MN1: variants seen among roughly 807,000 people sequenced by gnomAD.
MN1 encodes transcriptional activator MN1.
MN1 carries 19 observed loss-of-function variants against 86.9 expected under a neutral mutation model. The ratio of observed to expected loss-of-function variants is 0.22; its 90% CI spans 0.15 to 0.32. The LOEUF (loss-of-function observed/expected upper bound fraction) is 0.32, where lower values mean the gene tolerates loss of function less well. Among genes scored for constraint, MN1 ranks in the 10% least tolerant of loss-of-function variants. The pLI is 1.00. For synonymous variants in MN1, 928 were observed against 849.6 expected, an observed-to-expected ratio of 1.09 and a Z score of -1.60; for missense variants, 1,841 against 1,862.0, an observed-to-expected ratio of 0.99 and a Z score of 0.21.
intron 1 of MN1, among the ~76,000 whole-genome samples, chr22:27,769,613 C>T (rs556921564): frequency 1.5e-4 from 18 of 119,040 alleles, no homozygotes; most frequent in Middle Eastern, 7.1e-3. Context: ...AGTGCAGTGG[C>T]GCAATCTCGG....
chr22:27,773,682 A>G (rs1932940822), intron 1 of MN1, among the ~76,000 whole-genome samples: 1 of 152,226 alleles, frequency 6.6e-6, no homozygotes, highest in Non-Finnish European at 1.5e-5. Flanking sequence ...TGAATGATAG[A>G]GTCTCGCTCT....
Position 27,799,800 on chromosome 22 carries a change from C to T in MN1, c.744G>A (p.Ser248=), listed in dbSNP as rs370371622. The T allele has an allele frequency of 1.9e-6, 3 of 1,595,814 alleles. No individual in the cohort carries two copies. In the African/African-American group the frequency reaches 4.0e-5, roughly 21 times the overall value. The change falls in exon 1 of 2, where the codon TCG becomes TCA. Residue 248 remains serine (S), a synonymous_variant. Coordinates refer to ENST00000302326, the MANE Select transcript of MN1 (RefSeq NM_002430.3). ...GCAGCTGCCCTTCGGAGTCAGAGGGCGAAAACATGTCAAAATGTCCCGAGG... is the reference window on the plus strand; with the variant it reads ...GCAGCTGCCCTTCGGAGTCAGAGGGTGAAAACATGTCAAAATGTCCCGAGG... ...EAPSGHFDMF[S]PSDSEGQLPH...
chr22:27,795,917 G>A (rs1933286906), intron 1 of MN1, among the ~76,000 whole-genome samples: 1 of 152,144 alleles, frequency 6.6e-6, no homozygotes, highest in African/African-American at 2.4e-5. Flanking sequence ...GGGGTGCTTA[G>A]AATGCAAACG....
intron 1 of MN1, among the ~76,000 whole-genome samples, chr22:27,761,669 G>C (rs973130858): frequency 6.6e-6 from 1 of 152,174 alleles, no homozygotes; most frequent in Non-Finnish European, 1.5e-5. Flanking sequence ...ACAGAGCCAG[G>C]TGCAAAGACA....
Position 27,800,834 on chromosome 22 carries a change from C to G in MN1, c.-291G>C. On this transcript the variant is annotated 5_prime_UTR_variant, in exon 1 of 2. Coordinates refer to ENST00000302326, the MANE Select transcript of MN1 (RefSeq NM_002430.3). Reference sequence around the variant, plus strand: ...ATGCCCCGGGCGGTTGTCACAGCCGCGGGTGGGTCTGCGGGGAGGGGACGA... The same window carrying G: ...ATGCCCCGGGCGGTTGTCACAGCCGGGGGTGGGTCTGCGGGGAGGGGACGA... 16 of 270,782 alleles carry G rather than the reference C, an allele frequency of 5.9e-5. No homozygotes were observed. The highest frequency in any genetic ancestry group is 1.1e-3 in the Middle Eastern group (1 of 900). The allele number at this position is 270,782 out of a possible 1,614,324, so 16.8% of individuals were successfully genotyped here.
chr22:27,799,486 G>T lies in MN1; in HGVS notation c.1058C>A (p.Pro353Gln). The change falls in exon 1 of 2, where the codon CCG becomes CAG. Residue 353 changes from proline (P) to glutamine (Q), a missense_variant. Physicochemically the swap from Pro to Gln is moderately conservative, Grantham distance 76. Transcript: ENST00000302326. Reference sequence around the variant, plus strand: ...CGGCTGCTGCTGTGGCGGCTGCTGCGGGGGCTGCTGCTGAGGGGGTGGCGG... The same window carrying T: ...CGGCTGCTGCTGTGGCGGCTGCTGCTGGGGCTGCTGCTGAGGGGGTGGCGG... ...QAPPPPQQQP[P>Q]QQPPQQQPPP... 1 of 1,452,940 alleles carries T rather than the reference G, an allele frequency of 6.9e-7. No homozygotes were observed. Among genetic ancestry groups the T allele is most frequent in the Non-Finnish European group, 9.1e-7 (1 of 1,104,050 alleles). The allele number at this position is 1,452,940 out of a possible 1,614,324, so 90.0% of individuals were successfully genotyped here. A position where few individuals can be genotyped will look rare whatever the true frequency, so the allele number is the denominator to read the frequency against.
Position 27,790,369 on chromosome 22 carries a change from A to G in MN1, c.3781+6394T>C, listed in dbSNP as rs58075537. ...AGGTGAGGCTGCATGCTGTCCTGTC[A>G]TCGGAAGATGGCAGGAAATGACCAG... On this transcript the variant is annotated intron_variant, in intron 1 of 1. Coordinates refer to ENST00000302326, the MANE Select transcript of MN1 (RefSeq NM_002430.3). 6.3e-3 allele frequency among the ~76,000 whole-genome samples: 958 copies of G among 152,306 alleles called. 6 individuals are homozygous for G. Among genetic ancestry groups the G allele is most frequent in the African/African-American group, 0.022 (898 of 41,564 alleles).
intron 1 of MN1, among the ~76,000 whole-genome samples, chr22:27,754,990 C>T (rs1323982435): frequency 6.6e-6 from 1 of 152,170 alleles, no homozygotes; most frequent in East Asian, 1.9e-4. Context: ...CACACCAGGC[C>T]CTCAGTTGGG....
chr22:27,777,877 C>CAA (rs754050669), intron 1 of MN1, among the ~76,000 whole-genome samples: 5 of 139,532 alleles, frequency 3.6e-5, no homozygotes, highest in East Asian at 2.1e-4. Context: ...ACTGCATCTC[C>CAA]AAAAAAAAAA....
chr22:27,756,873 A>G (rs1932805246), intron 1 of MN1, among the ~76,000 whole-genome samples: 1 of 151,868 alleles, frequency 6.6e-6, no homozygotes, highest in Non-Finnish European at 1.5e-5. Context: ...CTCCCACCTC[A>G]TCCTCCCAAG....
In MN1 at chr22:27,798,288, G is replaced by A. The variant is rs749154826; in HGVS notation, c.2256C>T (p.Gly752=). Residue 752 remains glycine, a synonymous_variant, in exon 1 of 2, where the codon GGC becomes GGT. Transcript: ENST00000302326. ...GQPGFPFGAA[G]RQSTPHSGPG... is the part of the protein sequence containing the mutation. ...GACCGCTGTGCGGCGTGGACTGCCG[G>A]CCGGCTGCACCAAACGGAAAGCCCG... 34 of 1,525,648 alleles carry A rather than the reference G, an allele frequency of 2.2e-5. No homozygotes were observed. Among genetic ancestry groups the A allele is most frequent in the Middle Eastern group, 4.5e-4 (2 of 4,476 alleles). 94.5% of individuals were successfully genotyped at this position (1,525,648 alleles called of 1,614,324 possible). A position where few individuals can be genotyped will look rare whatever the true frequency, so the allele number is the denominator to read the frequency against.
chr22:27,800,433 C>T lies in MN1; in HGVS notation c.111G>A (p.Pro37=). Residue 37 remains proline, a synonymous_variant, in exon 1 of 2, where the codon CCG becomes CCA. Transcript: ENST00000302326. ...CAGGGGGCCCCCCAGTGTGGAAAGC[C>T]GGGGCCTTAAAGTGGGTGTTCATGC... ...GLSMNTHFKA[P]AFHTGGPPGP... The T allele has an allele frequency of 6.2e-7, 1 of 1,614,182 alleles. No homozygotes were observed. Among genetic ancestry groups the T allele is most frequent in the Non-Finnish European group, 8.5e-7 (1 of 1,180,024 alleles).
Position 27,798,663 on chromosome 22 carries a change from T to C in MN1, c.1881A>G (p.Gln627=), listed in dbSNP as rs1053248121. The C allele has an allele frequency of 1.3e-6, 2 of 1,551,622 alleles. No homozygotes were observed. Among genetic ancestry groups the C allele is most frequent in the African/African-American group, 2.7e-5 (2 of 73,492 alleles). ...TFEQQAPHLA[Q]ESAWFSGPHP... ...GCGGACCTGAGAACCACGCGCTCTC[T>C]TGCGCCAAGTGCGGCGCCTGCTGCT... Residue 627 remains glutamine, a synonymous_variant, in exon 1 of 2, where the codon CAA becomes CAG. Transcript: ENST00000302326.
intron 1 of MN1, among the ~76,000 whole-genome samples, chr22:27,777,850 T>C (rs1176387366): frequency 1.3e-5 from 2 of 150,804 alleles, no homozygotes; most frequent in Middle Eastern, 3.4e-3. Context: ...CACTCCAGCC[T>C]GGGCCACACA....
intron 1 of MN1, among the ~76,000 whole-genome samples, chr22:27,772,418 T>A (rs947378804): frequency 2.0e-5 from 3 of 151,960 alleles, no homozygotes; most frequent in African/African-American, 7.3e-5. Flanking sequence ...GCAGTTAGAG[T>A]GTGGGGAGGA....
At chr22:27,782,377 C>A (rs6005618) in intron 1 of MN1, among the ~76,000 whole-genome samples, 1 of 152,206 alleles carries the variant, frequency 6.6e-6, no homozygotes, top group Admixed American at 6.5e-5. Flanking sequence ...GTGCCAGGCC[C>A]GGGGCTAAGT....
intron 1 of MN1, among the ~76,000 whole-genome samples, chr22:27,791,128 G>A (rs372281296): frequency 7.9e-5 from 12 of 152,048 alleles, no homozygotes; most frequent in South Asian, 2.1e-4. Context: ...GGGGGAGAGA[G>A]GGGGGCTTCT....
At position 27,797,564 on chromosome 22, in the gene MN1, T is replaced by C; in HGVS notation, c.2980A>G (p.Thr994Ala). The C allele has an allele frequency of 6.2e-7, 1 of 1,606,970 alleles. No homozygotes were observed. The highest frequency in any genetic ancestry group is 8.5e-7 in the Non-Finnish European group (1 of 1,177,358). ...TCGTGGGGCGTCGGTGCCCCGCGCG[T>C]CTCGCCTGCGGAGCTTCCCCCGACG... The part of the protein sequence containing the change: ...AAVGGSSAGE[T>A]RGAPTPHEKA... Residue 994 changes from threonine to alanine, a missense_variant, in exon 1 of 2, where the codon ACG (threonine) becomes GCG (alanine). Coordinates refer to ENST00000302326, the MANE Select transcript of MN1 (RefSeq NM_002430.3).
Position 27,786,304 on chromosome 22 carries a change from C to T in MN1, c.3781+10459G>A, listed in dbSNP as rs148988997. 7.4e-3 allele frequency among the ~76,000 whole-genome samples: 1,124 copies of T among 152,304 alleles called. 19 individuals are homozygous for T. The highest frequency in any genetic ancestry group is 0.025 in the African/African-American group (1,034 of 41,556). Reference sequence around the variant, plus strand: ...AATGACACATGCTCCCCTTTACAGACTCAGTGTTAGGAAAGGCCAAAGCTG... The same window carrying T: ...AATGACACATGCTCCCCTTTACAGATTCAGTGTTAGGAAAGGCCAAAGCTG... On this transcript the variant is annotated intron_variant, in intron 1 of 1. Coordinates refer to ENST00000302326, the MANE Select transcript of MN1 (RefSeq NM_002430.3).
Sources: allele counts gnomAD v4.1 joint callset (sites outside exome capture counted in the v4.1 genomes callset), GRCh38; gene constraint gnomAD v4.1.1; transcripts MANE v1.5; gene names NCBI Gene and HGNC (gene_info 2026-07-23, HGNC 2026-07-21).